The following SLC28A1 variants were observed in gnomAD, a reference collection of about 807,000 sequenced individuals.
The protein encoded by SLC28A1 is sodium/nucleoside cotransporter 1.
Under a neutral mutation model 74.8 loss-of-function variants are expected in SLC28A1, and 64 were observed. The ratio of observed to expected loss-of-function variants is 0.86; its 90% CI spans 0.70 to 1.05. SLC28A1 has a LOEUF of 1.05. SLC28A1 is among the 50% of genes least tolerant of loss of function. SLC28A1 has a pLI of 0.00. For synonymous variants in SLC28A1, 359 were observed against 335.0 expected, an observed-to-expected ratio of 1.07 and a Z score of -0.78; for missense variants, 828 against 822.8, an observed-to-expected ratio of 1.01 and a Z score of -0.08.
intron 12 of SLC28A1, among the ~76,000 whole-genome samples, chr15:84,924,983 C>A (rs904876033): frequency 3.3e-5 from 5 of 150,440 alleles, no homozygotes; most frequent in African/African-American, 9.8e-5. Flanking sequence ...TGACTGCAAC[C>A]TCTAGCTCCC....
intron 15 of SLC28A1, among the ~76,000 whole-genome samples, chr15:84,937,114 C>G (rs539206572): frequency 6.7e-6 from 1 of 149,738 alleles, no homozygotes; most frequent in East Asian, 1.9e-4. Flanking sequence ...GCAGCCAAAC[C>G]GTGCTGTAGC....
chr15:84,973,266 C>A, the SLC28A1 span, among the ~76,000 whole-genome samples: 7 of 152,272 alleles, frequency 4.6e-5, no homozygotes, highest in South Asian at 1.2e-3. Context: ...TCAGACTTAT[C>A]CCCCTAGTCC....
the SLC28A1 span, among the ~76,000 whole-genome samples, chr15:84,963,131 AG>A: frequency 6.6e-6 from 1 of 152,188 alleles, no homozygotes; most frequent in Non-Finnish European, 1.5e-5. Context: ...ATTTCTTGCC[AG>A]CTCAGTGGGA....
chr15:84,956,476 T>C, the SLC28A1 span, among the ~76,000 whole-genome samples: 50,669 of 118,300 alleles, frequency 0.43, 12,098 homozygotes, highest in South Asian at 0.63. Context: ...TCCTTCTTTC[T>C]TTCTTTCTTT....
At chr15:84,889,585 G>C (rs1208289603) in intron 4 of SLC28A1, among the ~76,000 whole-genome samples, 1 of 152,134 alleles carries the variant, frequency 6.6e-6, no homozygotes, top group Non-Finnish European at 1.5e-5. Flanking sequence ...GTGTCCCATG[G>C]GCAGGTGGAT....
At chr15:84,923,648 CA>C (rs765760840) in intron 11 of SLC28A1, among the ~76,000 whole-genome samples, 55 of 152,264 alleles carry the variant, frequency 3.6e-4, no homozygotes, top group Non-Finnish European at 2.2e-4. Flanking sequence ...CCTGGAACCC[CA>C]CCGAACCTCT....
chr15:84,942,355 G>A (rs1351734355), intron 15 of SLC28A1, among the ~76,000 whole-genome samples: 1 of 152,036 alleles, frequency 6.6e-6, no homozygotes, highest in Non-Finnish European at 1.5e-5. Context: ...ACCCTGTTGT[G>A]CTATAAAATA....
intron 15 of SLC28A1, among the ~76,000 whole-genome samples, chr15:84,936,599 G>C (rs1012205607): frequency 7.2e-5 from 11 of 152,104 alleles, no homozygotes; most frequent in African/African-American, 2.7e-4. Context: ...GCAGGGGTTG[G>C]CTCTTTCTGT....
chr15:84,918,512 C>A lies in SLC28A1; in HGVS notation c.796-12C>A. ...CCTCTAACCTGCGGTCCTATGATCT[C>A]CTTCCCGGCAGGTTCTGCCCATCAT... is the stretch of plus-strand genomic sequence containing the variant. On this transcript the variant is annotated splice_polypyrimidine_tract_variant and intron_variant, in intron 9 of 18. Coordinates refer to ENST00000394573, the MANE Select transcript of SLC28A1 (RefSeq NM_004213.5). The A allele has an allele frequency of 6.2e-7, 1 of 1,611,924 alleles. No individual in the cohort carries two copies.
chr15:84,947,563 A>G (rs2079276973), downstream of SLC28A1, among the ~76,000 whole-genome samples: 1 of 152,262 alleles, frequency 6.6e-6, no homozygotes, highest in Non-Finnish European at 1.5e-5. Context: ...CTTATAAACA[A>G]CAGAAATGTA....
At chr15:84,933,320 TG>T in intron 13 of SLC28A1, 45 bp downstream of exon 13, 1 of 1,603,294 alleles carries the variant, frequency 6.2e-7, no homozygotes, top group East Asian at 2.3e-5. Context: ...TGGTACAAGG[TG>T]GGGGGAGCAA....
chr15:84,896,750 A>G (rs1966043248), intron 6 of SLC28A1, among the ~76,000 whole-genome samples: 2 of 152,220 alleles, frequency 1.3e-5, no homozygotes, highest in South Asian at 4.1e-4. Flanking sequence ...AAATGGATAA[A>G]GAAAATCTAT....
intron 12 of SLC28A1, among the ~76,000 whole-genome samples, chr15:84,931,520 T>C (rs1241001930): frequency 1.4e-5 from 2 of 147,152 alleles, no homozygotes; most frequent in African/African-American, 2.5e-5. Context: ...GGCGTGGTGG[T>C]GGGCGCCTGT....
At chr15:84,895,801 A>G (rs1596222701) in intron 6 of SLC28A1, 1 of 1,167,510 alleles carries the variant, frequency 8.6e-7, no homozygotes, top group Non-Finnish European at 1.1e-6. Flanking sequence ...TCTGAAGACC[A>G]CCAGTCTATT....
In SLC28A1 at chr15:84,889,866, T is replaced by C. The variant is rs115359751; in HGVS notation, c.186-577T>C. Among the ~76,000 whole-genome samples the C allele has an allele frequency of 9.4e-3, 1,431 of 151,528 alleles. 22 individuals carry two copies. The highest frequency in any genetic ancestry group is 0.032 in the African/African-American group (1,325 of 41,202). On this transcript the variant is annotated intron_variant, in intron 4 of 18. Transcript: ENST00000394573. ...CTTCCTTCCTTCCTTTCTCTCTTTT[T>C]TTTTTTTTAGGCAGGTCTCACTCTG...
intron 6 of SLC28A1, among the ~76,000 whole-genome samples, chr15:84,898,552 C>T (rs1022645321): frequency 6.9e-6 from 1 of 145,438 alleles, no homozygotes; most frequent in Non-Finnish European, 1.5e-5. Flanking sequence ...GCACTCCAGC[C>T]TGGGCGACAG....
chr15:84,946,112 A>ATATATATATTT (rs57190791), downstream of SLC28A1, among the ~76,000 whole-genome samples: 5 of 13,476 alleles, frequency 3.7e-4, no homozygotes, highest in East Asian at 0.01. Flanking sequence ...ATATATATAT[A>ATATATATATTT]TTTTTTTTTT....
Position 84,945,575 on chromosome 15 carries a change from T to C in SLC28A1, c.*375T>C. On this transcript the variant is annotated 3_prime_UTR_variant, in exon 19 of 19. Coordinates refer to ENST00000394573, the MANE Select transcript of SLC28A1 (RefSeq NM_004213.5). ...CTGTTGTGGGCTGCACACCAAAGCC[T>C]CCTCCCCTCCCCACTTCCTAGGCAC... The C allele has an allele frequency of 3.2e-6, 1 of 315,226 alleles. No individual in the cohort carries two copies. The highest frequency in any genetic ancestry group is 6.2e-6 in the Non-Finnish European group (1 of 161,538). The allele number at this position is 315,226 out of a possible 1,614,324, so 19.5% of individuals were successfully genotyped here. A position where few individuals can be genotyped will look rare whatever the true frequency, so the allele number is the denominator to read the frequency against.
chr15:84,909,708 A>G (rs1967847628), intron 9 of SLC28A1, among the ~76,000 whole-genome samples: 1 of 152,218 alleles, frequency 6.6e-6, no homozygotes, highest in African/African-American at 2.4e-5. Context: ...TGCCAGGCAG[A>G]AGAGAGAGAC....
Sources: allele counts gnomAD v4.1 joint callset (sites outside exome capture counted in the v4.1 genomes callset), GRCh38; gene constraint gnomAD v4.1.1; transcripts MANE v1.5; gene names NCBI Gene and HGNC (gene_info 2026-07-23, HGNC 2026-07-21).